The following PPARGC1A variants were observed in gnomAD, a reference collection of about 807,000 sequenced individuals.
PPARGC1A encodes peroxisome proliferator-activated receptor gamma coactivator 1-alpha.
A neutral mutation model predicts 88.7 loss-of-function variants in PPARGC1A; 25 were observed. That is an observed-to-expected ratio of 0.28 (90% CI 0.21 to 0.39). The LOEUF is 0.39. Ranked by LOEUF, PPARGC1A falls within the 10% of genes least tolerant of loss-of-function variation. The pLI, the probability that PPARGC1A is intolerant of heterozygous loss-of-function variation, is 1.00. For synonymous variants in PPARGC1A, 363 were observed against 355.6 expected (o/e 1.02, Z -0.24); for missense variants, 880 against 968.7 (o/e 0.91, Z 1.22).
chr4:24,439,807 G>T, the PPARGC1A span, among the ~76,000 whole-genome samples: 1 of 152,158 alleles, frequency 6.6e-6, no homozygotes, highest in Non-Finnish European at 1.5e-5. Flanking sequence ...ATACAAATAG[G>T]CTCTGGGGTT....
At chr4:24,065,546 A>G in the PPARGC1A span, among the ~76,000 whole-genome samples, 13 of 152,322 alleles carry the variant, frequency 8.5e-5, no homozygotes, top group Admixed American at 5.9e-4. Context: ...CTGGACTGCT[A>G]GTAGGCCAAT....
chr4:23,981,173 C>T, the PPARGC1A span, among the ~76,000 whole-genome samples: 1 of 151,972 alleles, frequency 6.6e-6, no homozygotes, highest in African/African-American at 2.4e-5. Flanking sequence ...AGTATTTCTC[C>T]TAGTCCCCAT....
chr4:23,922,644 T>C, the PPARGC1A span, among the ~76,000 whole-genome samples: 1 of 152,190 alleles, frequency 6.6e-6, no homozygotes, highest in African/African-American at 2.4e-5. Flanking sequence ...TAGCTTTCTG[T>C]GTGTTTGTTT....
the PPARGC1A span, among the ~76,000 whole-genome samples, chr4:24,276,147 A>G: frequency 6.6e-6 from 1 of 152,216 alleles, no homozygotes; most frequent in East Asian, 1.9e-4. Context: ...AGAGTTCCGA[A>G]GACTCAAAGA....
the PPARGC1A span, among the ~76,000 whole-genome samples, chr4:23,965,237 A>G: frequency 6.6e-6 from 1 of 152,202 alleles, no homozygotes; most frequent in Non-Finnish European, 1.5e-5. Flanking sequence ...CCATAGCTAT[A>G]CATCACTTTT....
chr4:24,377,941 A>G, the PPARGC1A span, among the ~76,000 whole-genome samples: 2 of 152,220 alleles, frequency 1.3e-5, no homozygotes, highest in African/African-American at 2.4e-5. Flanking sequence ...CACAGAATGT[A>G]CAATCTTTCT....
upstream of PPARGC1A, among the ~76,000 whole-genome samples, chr4:23,905,614 GTGAA>G (rs1341538838): frequency 6.6e-6 from 1 of 152,192 alleles, no homozygotes; most frequent in Non-Finnish European, 1.5e-5. Context: ...CCAGCATTCG[GTGAA>G]TGTTTACTGT....
intron 10 of PPARGC1A, among the ~76,000 whole-genome samples, chr4:23,809,343 G>A (rs896011623): frequency 2.6e-5 from 4 of 152,116 alleles, no homozygotes; most frequent in Admixed American, 2.0e-4. Flanking sequence ...GTTCCATGAT[G>A]CCTTCAAGAT....
the PPARGC1A span, among the ~76,000 whole-genome samples, chr4:24,275,229 C>T: frequency 0.061 from 634 of 10,362 alleles, 4 homozygotes; most frequent in African/African-American, 0.18. Flanking sequence ...AATACGTTTA[C>T]TTACACACAG....
At chr4:24,019,705 A>C in the PPARGC1A span, among the ~76,000 whole-genome samples, 6 of 152,216 alleles carry the variant, frequency 3.9e-5, no homozygotes, top group Non-Finnish European at 8.8e-5. Context: ...GGCTATAAAA[A>C]TAAGCAAAAG....
chr4:24,119,071 G>A, the PPARGC1A span, among the ~76,000 whole-genome samples: 35 of 152,290 alleles, frequency 2.3e-4, no homozygotes, highest in African/African-American at 7.2e-4. Flanking sequence ...CATTGGAGAG[G>A]GATTTTGTTT....
At chr4:23,948,597 G>T in the PPARGC1A span, among the ~76,000 whole-genome samples, 1 of 152,066 alleles carries the variant, frequency 6.6e-6, no homozygotes, top group Non-Finnish European at 1.5e-5. Context: ...TTAGAGACTT[G>T]GTCTTGAACT....
the PPARGC1A span, among the ~76,000 whole-genome samples, chr4:24,396,749 C>T: frequency 2.0e-5 from 3 of 152,184 alleles, no homozygotes; most frequent in Non-Finnish European, 2.9e-5. Flanking sequence ...ATCTAACCCT[C>T]TCCCTGGTAC....
chr4:24,179,810 GAT>G, the PPARGC1A span, among the ~76,000 whole-genome samples: 1 of 152,126 alleles, frequency 6.6e-6, no homozygotes, highest in African/African-American at 2.4e-5. Flanking sequence ...TGTCTCAACT[GAT>G]ATGTTTTTTA....
chr4:23,846,236 A>G (rs1728299118), intron 2 of PPARGC1A, among the ~76,000 whole-genome samples: 1 of 152,198 alleles, frequency 6.6e-6, no homozygotes, highest in African/African-American at 2.4e-5. Context: ...ATGTAGTAAC[A>G]TGGAAACACT....
chr4:24,102,864 C>A, the PPARGC1A span, among the ~76,000 whole-genome samples: 27 of 152,234 alleles, frequency 1.8e-4, no homozygotes, highest in South Asian at 5.2e-3. Context: ...CAGCTAAAGC[C>A]GAGGCTGCCA....
intron 2 of PPARGC1A, 129 bp from the exon 3 acceptor site, chr4:23,831,880 A>C: frequency 1.4e-6 from 1 of 724,062 alleles, no homozygotes; most frequent in Non-Finnish European, 2.3e-6. Context: ...GAACACAAAG[A>C]TCATGTCTTT....
At chr4:23,936,774 G>A in the PPARGC1A span, among the ~76,000 whole-genome samples, 4 of 152,160 alleles carry the variant, frequency 2.6e-5, no homozygotes, top group African/African-American at 9.7e-5. Context: ...GGGAGGCTGA[G>A]GCAGGAGAAT....
chr4:24,080,558 G>T, the PPARGC1A span, among the ~76,000 whole-genome samples: 2 of 152,018 alleles, frequency 1.3e-5, no homozygotes, highest in African/African-American at 4.8e-5. Context: ...TGTCATGAGT[G>T]AAACTGTAGA....
Sources: allele counts gnomAD v4.1 joint callset (sites outside exome capture counted in the v4.1 genomes callset), GRCh38; gene constraint gnomAD v4.1.1; transcripts MANE v1.5; gene names NCBI Gene and HGNC (gene_info 2026-07-23, HGNC 2026-07-21).